The following NDUFV2 variants were observed in gnomAD, a reference collection of about 807,000 sequenced individuals.
The protein encoded by NDUFV2 is NADH dehydrogenase [ubiquinone] flavoprotein 2, mitochondrial.
In NDUFV2, 18 loss-of-function variants were observed where a neutral mutation model predicts 31.6. The observed-to-expected ratio is 0.57, with a 90% CI of 0.39 to 0.84. The LOEUF (loss-of-function observed/expected upper bound fraction) is 0.84. Among genes scored for constraint, NDUFV2 ranks in the 40% least tolerant of loss-of-function variants. The pLI is 0.00. For missense variants in NDUFV2, 314 were observed against 303.6 expected (o/e 1.03, Z -0.26); for synonymous variants, 83 against 99.8 (o/e 0.83, Z 1.01).
At chr18:9,105,185 A>C (rs777222437) in intron 1 of NDUFV2, among the ~76,000 whole-genome samples, 3 of 152,230 alleles carry the variant, frequency 2.0e-5, no homozygotes, top group Admixed American at 2.0e-4. Flanking sequence ...AAAGTACAAG[A>C]AAAGTCTACC....
rs528658653 is a variant in NDUFV2, at chr18:9,102,742, C to T, written c.-2C>T. 8 of 1,587,886 alleles carry T rather than the reference C, an allele frequency of 5.0e-6. No homozygotes were observed. Among genetic ancestry groups the T allele is most frequent in the Admixed American group, 3.5e-5 (2 of 56,696 alleles). On this transcript the variant is annotated 5_prime_UTR_variant, in exon 1 of 8. Transcript: ENST00000318388. ...TGGGGAAGGTGAACAGTGTGGCCCG[C>T]CATGTTCTTCTCCGCGGCGCTCCGG...
intron 1 of NDUFV2, among the ~76,000 whole-genome samples, chr18:9,112,209 G>A (rs372690434): frequency 6.6e-6 from 1 of 151,560 alleles, no homozygotes; most frequent in Admixed American, 6.6e-5. Context: ...AGTAGAGATG[G>A]GGTTTCACCA....
chr18:9,124,763 T>C, intron 5 of NDUFV2, 111 bp from the exon 6 acceptor site: 1 of 1,175,904 alleles, frequency 8.5e-7, no homozygotes, highest in Non-Finnish European at 1.2e-6. Flanking sequence ...TTAAAAAACT[T>C]AATAGTCTTA....
At chr18:9,103,310 C>A in intron 1 of NDUFV2, 1 of 395,830 alleles carries the variant, frequency 2.5e-6, no homozygotes, top group Admixed American at 4.4e-5. Flanking sequence ...ATCGGAAATG[C>A]TGGCTAAATA....
intron 1 of NDUFV2, among the ~76,000 whole-genome samples, chr18:9,113,444 A>G (rs1224392326): frequency 2.0e-5 from 3 of 152,198 alleles, no homozygotes; most frequent in Non-Finnish European, 2.9e-5. Context: ...AACCTGCCTC[A>G]GTTTCATGGA....
intron 5 of NDUFV2, 79 bp downstream of exon 5, chr18:9,122,760 T>C: frequency 1.4e-6 from 2 of 1,471,786 alleles, no homozygotes; most frequent in Non-Finnish European, 1.9e-6. Context: ...TATCTAAAAT[T>C]TCCAACTTCT....
At chr18:9,104,299 A>C in intron 1 of NDUFV2, 1 of 1,610,096 alleles carries the variant, frequency 6.2e-7, no homozygotes, top group East Asian at 2.2e-5. Flanking sequence ...GCCATACTAA[A>C]GAATTTGATT....
intron 1 of NDUFV2, among the ~76,000 whole-genome samples, chr18:9,117,203 A>G (rs918440462): frequency 1.3e-5 from 2 of 151,922 alleles, no homozygotes; most frequent in Admixed American, 6.6e-5. Context: ...CGCCCAGCTA[A>G]TTTTTGTGTT....
At chr18:9,122,354 A>G (rs1006426127) in intron 4 of NDUFV2, among the ~76,000 whole-genome samples, 159 bp from the exon 5 acceptor site, 3 of 152,212 alleles carry the variant, frequency 2.0e-5, no homozygotes, top group African/African-American at 7.2e-5. Flanking sequence ...AAGAGTTTAT[A>G]TCTCCCAGTT....
intron 4 of NDUFV2, 149 bp downstream of exon 4, chr18:9,119,739 T>G: frequency 1.4e-6 from 1 of 700,162 alleles, no homozygotes; most frequent in Admixed American, 2.4e-5. Flanking sequence ...GAATTGTCTT[T>G]GTGTTTTTGT....
intron 2 of NDUFV2, among the ~76,000 whole-genome samples, chr18:9,118,815 G>GT (rs71168030): frequency 0.22 from 17,136 of 76,664 alleles, 2,534 homozygotes; most frequent in African/African-American, 0.34. Context: ...AGATGGTGCT[G>GT]TTTTTTTTTT....
intron 1 of NDUFV2, chr18:9,104,998 A>G: frequency 6.5e-7 from 1 of 1,527,320 alleles, no homozygotes; most frequent in South Asian, 1.2e-5. Context: ...ACTGTTTGGT[A>G]GCCTGCTCTT....
At chr18:9,125,055 G>C (rs1008779380) in intron 6 of NDUFV2, 72 bp downstream of exon 6, 2 of 1,484,322 alleles carry the variant, frequency 1.3e-6, no homozygotes, top group Non-Finnish European at 1.8e-6. Context: ...ATTTGATTTT[G>C]TGTCCTTAGA....
chr18:9,114,147 A>AC, intron 1 of NDUFV2, among the ~76,000 whole-genome samples: 1 of 152,196 alleles, frequency 6.6e-6, no homozygotes. Flanking sequence ...CAAACCTAAG[A>AC]CCCATGGAAA....
At chr18:9,119,629 AG>A (rs2077920347) in intron 4 of NDUFV2, 39 bp downstream of exon 4, 15 of 1,475,572 alleles carry the variant, frequency 1.0e-5, no homozygotes, top group Non-Finnish European at 1.4e-5. Flanking sequence ...AAAAGAGAAG[AG>A]ATTGTGTATG....
chr18:9,104,062 A>T, intron 1 of NDUFV2: 2 of 1,302,332 alleles, frequency 1.5e-6, no homozygotes, highest in South Asian at 2.6e-5. Flanking sequence ...AGAGATGAAT[A>T]GGGTCATCCA....
intron 5 of NDUFV2, 59 bp from the exon 6 acceptor site, chr18:9,124,815 T>C: frequency 8.0e-7 from 1 of 1,247,426 alleles, no homozygotes; most frequent in Non-Finnish European, 1.1e-6. Context: ...TTTTTTTTTT[T>C]AAACCAAATG....
intron 4 of NDUFV2, among the ~76,000 whole-genome samples, chr18:9,121,818 G>A (rs2077938182): frequency 6.6e-6 from 1 of 152,102 alleles, no homozygotes; most frequent in Non-Finnish European, 1.5e-5. Context: ...CAAAACAATT[G>A]TTTTCTATTA....
intron 1 of NDUFV2, chr18:9,104,878 AATC>A (rs777212603): frequency 3.7e-5 from 54 of 1,461,834 alleles, no homozygotes; most frequent in Non-Finnish European, 4.7e-5. Context: ...AAAAAATAAA[AATC>A]ATCCATTGTC....
Sources: gnomAD v4.1 joint callset for allele counts (sites outside exome capture counted in the v4.1 genomes callset) on GRCh38, gnomAD v4.1.1 for gene constraint, MANE v1.5 for transcripts, NCBI Gene and HGNC (gene_info 2026-07-23, HGNC 2026-07-21) for gene names.